Variants in LHFPL3 observed in about 807,000 individuals in gnomAD.
The protein encoded by LHFPL3 is LHFPL tetraspan subfamily member 3.
Under a neutral mutation model 19.3 loss-of-function variants are expected in LHFPL3, and 5 were observed. The observed-to-expected ratio is 0.26, with a 90% CI of 0.14 to 0.54. The LOEUF is 0.54. Among genes scored for constraint, LHFPL3 ranks in the 20% least tolerant of loss-of-function variants. The probability of loss-of-function intolerance (pLI) is 0.94; values close to 1 mark genes in which losing one functional copy is unlikely to be tolerated. For synonymous variants in LHFPL3, 133 were observed against 126.2 expected (o/e 1.05, Z -0.36); for missense variants, 249 against 307.4 (o/e 0.81, Z 1.42).
At chr7:104,643,464 A>G (rs1021447641) in intron 1 of LHFPL3, among the ~76,000 whole-genome samples, 7 of 152,204 alleles carry the variant, frequency 4.6e-5, no homozygotes, top group Admixed American at 3.9e-4. Flanking sequence ...GGACTGTTAC[A>G]CATTAGATAC....
intron 2 of LHFPL3, chr7:104,895,628 T>A (rs899081257): frequency 3.3e-5 from 5 of 152,216 alleles, no homozygotes; most frequent in African/African-American, 1.2e-4. Context: ...TCAATTCTGC[T>A]TCATATACAG....
At chr7:104,570,285 T>C (rs1305998338) in intron 1 of LHFPL3, among the ~76,000 whole-genome samples, 1 of 152,212 alleles carries the variant, frequency 6.6e-6, no homozygotes, top group Non-Finnish European at 1.5e-5. Flanking sequence ...ACACCCCTCC[T>C]GGTGGCACCA....
intron 1 of LHFPL3, among the ~76,000 whole-genome samples, chr7:104,548,537 T>G (rs1233145822): frequency 2.6e-5 from 4 of 152,168 alleles, no homozygotes; most frequent in Non-Finnish European, 5.9e-5. Flanking sequence ...TGGGATATAC[T>G]TTATCCCCTT....
chr7:104,595,401 C>G (rs1790827716), intron 1 of LHFPL3, among the ~76,000 whole-genome samples: 1 of 152,190 alleles, frequency 6.6e-6, no homozygotes, highest in South Asian at 2.1e-4. Flanking sequence ...TACAGAACAG[C>G]AAATATTGCT....
chr7:104,674,603 G>A (rs56393559), intron 1 of LHFPL3, among the ~76,000 whole-genome samples: 6,081 of 151,980 alleles, frequency 0.04, 146 homozygotes, highest in African/African-American at 0.055. Flanking sequence ...TCCTGACCTC[G>A]TGATCCACCT....
intron 1 of LHFPL3, among the ~76,000 whole-genome samples, chr7:104,571,729 C>G (rs528277804): frequency 1.3e-5 from 2 of 152,286 alleles, no homozygotes; most frequent in East Asian, 3.9e-4. Context: ...CTCCCCTGCC[C>G]TTGCAGCCCT....
intron 1 of LHFPL3, among the ~76,000 whole-genome samples, chr7:104,650,475 T>C (rs1792011894): frequency 1.3e-5 from 2 of 152,226 alleles, no homozygotes; most frequent in African/African-American, 4.8e-5. Flanking sequence ...TAAATGGCTT[T>C]AAGACTTAAT....
chr7:104,898,046 G>A (rs1197509638), intron 2 of LHFPL3, among the ~76,000 whole-genome samples: 1 of 110,330 alleles, frequency 9.1e-6, no homozygotes. Flanking sequence ...GTCTCACTCT[G>A]TTGCCCAGGC....
chr7:104,858,821 G>A (rs546698407), intron 2 of LHFPL3, among the ~76,000 whole-genome samples: 53 of 151,986 alleles, frequency 3.5e-4, no homozygotes, highest in African/African-American at 1.3e-3. Flanking sequence ...TCTCCACATT[G>A]GAGTACTTTC....
At chr7:104,615,370 T>A (rs1041973408) in intron 1 of LHFPL3, among the ~76,000 whole-genome samples, 36 of 152,220 alleles carry the variant, frequency 2.4e-4, no homozygotes, top group Non-Finnish European at 4.1e-4. Context: ...CATTCTTTTT[T>A]AAAAATTATC....
chr7:104,904,704 T>C (rs1176814405), intron 2 of LHFPL3, among the ~76,000 whole-genome samples: 5 of 152,154 alleles, frequency 3.3e-5, no homozygotes, highest in African/African-American at 4.8e-5. Context: ...CTCTGTGATG[T>C]AAAGCCTAAC....
intron 1 of LHFPL3, among the ~76,000 whole-genome samples, chr7:104,711,041 G>A (rs1793292121): frequency 6.6e-6 from 1 of 152,168 alleles, no homozygotes; most frequent in Admixed American, 6.5e-5. Context: ...TATGAAGTTT[G>A]AACACACAGG....
At chr7:104,546,791 A>C (rs1191375457) in intron 1 of LHFPL3, among the ~76,000 whole-genome samples, 1 of 152,210 alleles carries the variant, frequency 6.6e-6, no homozygotes. Flanking sequence ...ACCTGGGTTC[A>C]AATGGCTTGC....
intron 2 of LHFPL3, among the ~76,000 whole-genome samples, chr7:104,840,104 G>C (rs1401370782): frequency 5.3e-5 from 8 of 151,846 alleles, no homozygotes; most frequent in African/African-American, 1.7e-4. Context: ...TATCCAGTCA[G>C]TTTGCTTCAT....
At chr7:104,898,703 C>T (rs544119313) in intron 2 of LHFPL3, among the ~76,000 whole-genome samples, 1 of 152,148 alleles carries the variant, frequency 6.6e-6, no homozygotes, top group East Asian at 1.9e-4. Context: ...GCCTGTAATC[C>T]CAGCACTCCG....
intron 1 of LHFPL3, among the ~76,000 whole-genome samples, chr7:104,490,477 C>T (rs1234002575): frequency 4.0e-4 from 60 of 151,872 alleles, no homozygotes; most frequent in Admixed American, 3.9e-3. Context: ...TGCATGAGTT[C>T]ATTAATTCTT....
At chr7:104,573,183 C>T (rs748269317) in intron 1 of LHFPL3, among the ~76,000 whole-genome samples, 10 of 152,028 alleles carry the variant, frequency 6.6e-5, no homozygotes, top group Admixed American at 1.3e-4. Flanking sequence ...GAGGCCAAGG[C>T]GGGCGGATCA....
intron 2 of LHFPL3, among the ~76,000 whole-genome samples, chr7:104,779,375 T>C (rs911765899): frequency 6.6e-6 from 1 of 152,206 alleles, no homozygotes; most frequent in East Asian, 1.9e-4. Context: ...CTTATTTATT[T>C]TTGTATGTTT....
chr7:104,518,352 T>C (rs1793962769), intron 1 of LHFPL3, among the ~76,000 whole-genome samples: 1 of 152,144 alleles, frequency 6.6e-6, no homozygotes, highest in Non-Finnish European at 1.5e-5. Context: ...AATAATCAAT[T>C]AAAAGTTTTC....
Sources: allele counts gnomAD v4.1 joint callset (sites outside exome capture counted in the v4.1 genomes callset), GRCh38; gene constraint gnomAD v4.1.1; transcripts MANE v1.5; gene names NCBI Gene and HGNC (gene_info 2026-07-23, HGNC 2026-07-21).